Variants in BLTP3B observed in about 807,000 individuals in gnomAD.
The protein encoded by BLTP3B is UHRF1 (ICBP90) binding protein 1-like.
the BLTP3B span, among the ~76,000 whole-genome samples, chr12:100,054,284 G>A: frequency 2.0e-5 from 3 of 152,048 alleles, no homozygotes; most frequent in Non-Finnish European, 4.4e-5. Flanking sequence ...TAGGTTACAA[G>A]CCAAATACAT....
the BLTP3B span, among the ~76,000 whole-genome samples, chr12:100,063,052 G>A: frequency 6.4e-3 from 981 of 152,232 alleles, 10 homozygotes; most frequent in African/African-American, 0.022. Context: ...ACTTGTTCAG[G>A]GACAAGGTGG....
At chr12:100,070,052 A>G in the BLTP3B span, 1 of 1,396,288 alleles carries the variant, frequency 7.2e-7, no homozygotes, top group South Asian at 1.7e-5. Context: ...AAAAACAATG[A>G]ATTTAGATTT....
the BLTP3B span, chr12:100,050,097 GT>G: frequency 1.5e-6 from 2 of 1,300,624 alleles, no homozygotes; most frequent in Non-Finnish European, 2.0e-6. Context: ...AGGATTGCTG[GT>G]GAGACATATA....
At chr12:100,077,078 G>A in the BLTP3B span, among the ~76,000 whole-genome samples, 1 of 151,986 alleles carries the variant, frequency 6.6e-6, no homozygotes, top group African/African-American at 2.4e-5. Flanking sequence ...TAAAAAGCTG[G>A]AGCATATGGT....
chr12:100,090,317 GA>G, the BLTP3B span, among the ~76,000 whole-genome samples: 28 of 152,018 alleles, frequency 1.8e-4, 1 homozygote, highest in Admixed American at 1.8e-3. Flanking sequence ...TCCCTGAAGA[GA>G]AATAGTATAG....
At chr12:100,062,514 GTTAAAC>G in the BLTP3B span, among the ~76,000 whole-genome samples, 1 of 152,166 alleles carries the variant, frequency 6.6e-6, no homozygotes, top group African/African-American at 2.4e-5. Context: ...TTAAAAAACA[GTTAAAC>G]TTAATCTAGC....
the BLTP3B span, among the ~76,000 whole-genome samples, chr12:100,106,333 T>C: frequency 6.6e-6 from 1 of 150,706 alleles, no homozygotes; most frequent in Non-Finnish European, 1.5e-5. Flanking sequence ...CAATGCACAA[T>C]TGCAAAGATA....
the BLTP3B span, among the ~76,000 whole-genome samples, chr12:100,084,018 G>A: frequency 6.6e-6 from 1 of 151,960 alleles, no homozygotes; most frequent in African/African-American, 2.4e-5. Context: ...GTGAAACCCT[G>A]GTTCTACTAA....
At chr12:100,111,264 G>A in the BLTP3B span, among the ~76,000 whole-genome samples, 10 of 149,800 alleles carry the variant, frequency 6.7e-5, no homozygotes, top group Non-Finnish European at 1.2e-4. Flanking sequence ...ACCTATGGCT[G>A]GTGGGGTTTT....
At chr12:100,089,324 C>T in the BLTP3B span, among the ~76,000 whole-genome samples, 6 of 151,988 alleles carry the variant, frequency 3.9e-5, no homozygotes, top group Non-Finnish European at 4.4e-5. Context: ...TTTGGGAGGC[C>T]GAGGCAGGCG....
At chr12:100,067,272 C>T in the BLTP3B span, among the ~76,000 whole-genome samples, 86 of 152,078 alleles carry the variant, frequency 5.7e-4, no homozygotes, top group African/African-American at 2.0e-3. Flanking sequence ...AAGGTCACAC[C>T]TCAAGGAACT....
chr12:100,127,239 T>C, the BLTP3B span, among the ~76,000 whole-genome samples: 1 of 152,218 alleles, frequency 6.6e-6, no homozygotes. Flanking sequence ...ATTAATATAC[T>C]AAAGTGAATC....
chr12:100,114,671 A>G, the BLTP3B span, among the ~76,000 whole-genome samples: 2 of 152,234 alleles, frequency 1.3e-5, no homozygotes, highest in Non-Finnish European at 2.9e-5. Flanking sequence ...CATACAAGAG[A>G]AGATGTTTTC....
At chr12:100,074,192 C>T in the BLTP3B span, among the ~76,000 whole-genome samples, 1 of 150,190 alleles carries the variant, frequency 6.7e-6, no homozygotes, top group African/African-American at 2.4e-5. Context: ...TCAATGTAAA[C>T]AATCAGCAGT....
the BLTP3B span, among the ~76,000 whole-genome samples, chr12:100,046,857 A>G: frequency 6.6e-6 from 1 of 152,212 alleles, no homozygotes; most frequent in Non-Finnish European, 1.5e-5. Flanking sequence ...AGAGACGTGC[A>G]AAGTGCAGAG....
the BLTP3B span, among the ~76,000 whole-genome samples, chr12:100,060,641 T>G: frequency 2.0e-5 from 3 of 152,166 alleles, no homozygotes; most frequent in African/African-American, 7.2e-5. Context: ...AAAAACCAAG[T>G]ATCTCCTGAA....
At chr12:100,063,876 G>C in the BLTP3B span, among the ~76,000 whole-genome samples, 3 of 152,022 alleles carry the variant, frequency 2.0e-5, no homozygotes, top group Non-Finnish European at 2.9e-5. Flanking sequence ...GACAAGACAA[G>C]GTTCTTTAAC....
At chr12:100,115,223 C>A in the BLTP3B span, among the ~76,000 whole-genome samples, 2 of 151,836 alleles carry the variant, frequency 1.3e-5, no homozygotes, top group African/African-American at 4.8e-5. Flanking sequence ...CTGTCCAACA[C>A]GCGAAACCCC....
the BLTP3B span, among the ~76,000 whole-genome samples, chr12:100,119,257 C>T: frequency 1.3e-3 from 199 of 151,952 alleles, no homozygotes; most frequent in Middle Eastern, 3.4e-3. Flanking sequence ...GACCTAGAAA[C>T]TGAAAACTAC....
Sources: gnomAD v4.1 joint callset for allele counts (sites outside exome capture counted in the v4.1 genomes callset) on GRCh38, gnomAD v4.1.1 for gene constraint, MANE v1.5 for transcripts, NCBI Gene and HGNC (gene_info 2026-07-23, HGNC 2026-07-21) for gene names.